The following TAMM41 variants were observed in gnomAD, a reference collection of about 807,000 sequenced individuals.
TAMM41 encodes the protein phosphatidate cytidylyltransferase, mitochondrial.
A neutral mutation model predicts 44.1 loss-of-function variants in TAMM41; 36 were observed. The observed-to-expected ratio is 0.82, with a 90% CI of 0.63 to 1.08. TAMM41 has a LOEUF of 1.08. Among genes scored for constraint, TAMM41 ranks in the 50% least tolerant of loss-of-function variants. The pLI is 0.00. For missense variants in TAMM41, 417 were observed against 404.3 expected (o/e 1.03, Z -0.27); for synonymous variants, 164 against 153.1 (o/e 1.07, Z -0.53).
chr3:11,808,104 C>T lies in TAMM41; in HGVS notation c.875-209G>A, dbSNP rs972937146. 3.7e-6 allele frequency: 4 copies of T among 1,086,516 alleles called. No homozygotes were observed. In the African/African-American group the frequency reaches 6.4e-5, roughly 17 times the overall value. 67.3% of individuals were successfully genotyped at this position (1,086,516 alleles called of 1,614,324 possible). On this transcript the variant is annotated intron_variant, in intron 6 of 7. Coordinates refer to ENST00000455809, the MANE Select transcript of TAMM41 (RefSeq NM_001284401.2). ...AGCAGCCAGCCGTGGCGCCACCCGG[C>T]TGTGTGAGTCCAAGCCGATGACCGA...
intron 5 of TAMM41, chr3:11,811,651 C>T (rs573396267): frequency 1.4e-4 from 22 of 152,270 alleles, no homozygotes; most frequent in African/African-American, 5.3e-4. Context: ...TAAAAGCGGA[C>T]ATGGATACAA....
chr3:11,750,986 C>T, the TAMM41 span, among the ~76,000 whole-genome samples: 3 of 151,918 alleles, frequency 2.0e-5, no homozygotes, highest in Non-Finnish European at 2.9e-5. Context: ...AATAAGACAT[C>T]GTCCAGGGAG....
At chr3:11,779,624 G>A in the TAMM41 span, among the ~76,000 whole-genome samples, 1 of 142,672 alleles carries the variant, frequency 7.0e-6, no homozygotes, top group African/African-American at 2.7e-5. Flanking sequence ...GCTGGTGTTT[G>A]TTGTTGGTGT....
the TAMM41 span, among the ~76,000 whole-genome samples, chr3:11,783,967 T>G: frequency 1.3e-5 from 2 of 152,240 alleles, no homozygotes; most frequent in African/African-American, 4.8e-5. Context: ...TTGCTCCAAA[T>G]AGTAAGCACT....
the TAMM41 span, among the ~76,000 whole-genome samples, chr3:11,724,049 T>G: frequency 6.6e-5 from 10 of 152,140 alleles, no homozygotes; most frequent in Admixed American, 5.9e-4. Context: ...TTGGATTGTT[T>G]CATAGCAAAA....
chr3:11,795,203 G>A (rs1218699439), intron 7 of TAMM41, among the ~76,000 whole-genome samples: 3 of 152,164 alleles, frequency 2.0e-5, no homozygotes, highest in African/African-American at 7.2e-5. Context: ...TTTGAAGCTA[G>A]AGAGGTAAAC....
chr3:11,807,670 G>C, intron 7 of TAMM41, 163 bp downstream of exon 7: 1 of 1,536,316 alleles, frequency 6.5e-7, no homozygotes, highest in Non-Finnish European at 8.7e-7. Context: ...AGGTTCTGCT[G>C]CTGTTATGCC....
intron 6 of TAMM41, chr3:11,808,785 G>T: frequency 9.1e-6 from 2 of 219,276 alleles, no homozygotes; most frequent in Non-Finnish European, 1.5e-5. Context: ...GAGTGTAGTG[G>T]TGCGATCCTA....
intron 7 of TAMM41, among the ~76,000 whole-genome samples, chr3:11,802,308 A>G (rs992343247): frequency 1.3e-5 from 2 of 152,228 alleles, no homozygotes; most frequent in Non-Finnish European, 2.9e-5. Flanking sequence ...AGAGATACAA[A>G]TAAACAAGAT....
the TAMM41 span, among the ~76,000 whole-genome samples, chr3:11,781,020 C>A: frequency 1.3e-5 from 2 of 152,054 alleles, no homozygotes; most frequent in African/African-American, 2.4e-5. Flanking sequence ...TTGGCATATC[C>A]CATCTCCTCC....
chr3:11,741,441 C>T, the TAMM41 span, among the ~76,000 whole-genome samples: 1 of 149,410 alleles, frequency 6.7e-6, no homozygotes, highest in Non-Finnish European at 1.5e-5. Flanking sequence ...CCTCTTAATA[C>T]CATCACCTTG....
At chr3:11,758,951 C>T in the TAMM41 span, among the ~76,000 whole-genome samples, 2 of 152,298 alleles carry the variant, frequency 1.3e-5, no homozygotes, top group Admixed American at 6.5e-5. Context: ...GGATTATAGG[C>T]GTGAGCCACC....
At chr3:11,837,109 A>G (rs934957667) in intron 3 of TAMM41, among the ~76,000 whole-genome samples, 7 of 152,212 alleles carry the variant, frequency 4.6e-5, no homozygotes, top group African/African-American at 1.7e-4. Context: ...CCAGGTGCAA[A>G]GCAGGAGAAT....
chr3:11,744,919 A>G, the TAMM41 span, among the ~76,000 whole-genome samples: 1 of 150,056 alleles, frequency 6.7e-6, no homozygotes, highest in Non-Finnish European at 1.5e-5. Flanking sequence ...GCTGGAGTAT[A>G]GTGGTGCGAT....
At chr3:11,772,288 A>G in the TAMM41 span, among the ~76,000 whole-genome samples, 43 of 135,366 alleles carry the variant, frequency 3.2e-4, 1 homozygote, top group East Asian at 6.3e-3. Context: ...TCACCGTGTT[A>G]GCCAGGATGG....
chr3:11,833,134 G>A, intron 3 of TAMM41: 2 of 1,285,076 alleles, frequency 1.6e-6, no homozygotes, highest in Non-Finnish European at 2.0e-6. Flanking sequence ...TGAACTCTTG[G>A]GACACTGCCA....
the TAMM41 span, among the ~76,000 whole-genome samples, chr3:11,778,511 C>A: frequency 6.6e-6 from 1 of 152,222 alleles, no homozygotes; most frequent in African/African-American, 2.4e-5. Flanking sequence ...ACTTGAGGAA[C>A]TGACAGTTTC....
At chr3:11,784,824 G>A in the TAMM41 span, among the ~76,000 whole-genome samples, 1 of 144,566 alleles carries the variant, frequency 6.9e-6, no homozygotes, top group Non-Finnish European at 1.5e-5. Context: ...TTTTGAGGAG[G>A]AGGAGTCTCG....
chr3:11,781,053 T>G, the TAMM41 span, among the ~76,000 whole-genome samples: 2 of 152,272 alleles, frequency 1.3e-5, no homozygotes, highest in Non-Finnish European at 2.9e-5. Context: ...CTGGGAACAT[T>G]TTATTCCTGT....
Sources: gnomAD v4.1 joint callset for allele counts (sites outside exome capture counted in the v4.1 genomes callset) on GRCh38, gnomAD v4.1.1 for gene constraint, MANE v1.5 for transcripts, NCBI Gene and HGNC (gene_info 2026-07-23, HGNC 2026-07-21) for gene names.